Variants in EIPR1 observed in about 807,000 individuals in gnomAD.
EIPR1 encodes the protein EARP and GARP complex-interacting protein 1.
In EIPR1, 25 loss-of-function variants were observed where a neutral mutation model predicts 48.1. That is an observed-to-expected ratio of 0.52 (90% confidence interval 0.38 to 0.73). The LOEUF (loss-of-function observed/expected upper bound fraction) is 0.73, where lower values mean the gene tolerates loss of function less well. Among genes scored for constraint, EIPR1 ranks in the 30% least tolerant of loss-of-function variants. The pLI is 0.00. For synonymous variants in EIPR1, 204 were observed against 201.9 expected, an observed-to-expected ratio of 1.01 and a Z score of -0.09; for missense variants, 415 against 506.2, an observed-to-expected ratio of 0.82 and a Z score of 1.73.
intron 1 of EIPR1, among the ~76,000 whole-genome samples, chr2:3,355,067 G>C (rs1311517059): frequency 6.6e-6 from 1 of 152,108 alleles, no homozygotes; most frequent in Non-Finnish European, 1.5e-5. Flanking sequence ...AGAATAACCT[G>C]AATCTGTTTC....
intron 5 of EIPR1, among the ~76,000 whole-genome samples, chr2:3,213,425 A>T (rs1246016117): frequency 6.6e-6 from 1 of 152,230 alleles, no homozygotes; most frequent in African/African-American, 2.4e-5. Flanking sequence ...AGCAAAACTC[A>T]ACCCAAAGAA....
chr2:3,324,326 G>A (rs1039245245), intron 3 of EIPR1, among the ~76,000 whole-genome samples: 2 of 152,152 alleles, frequency 1.3e-5, no homozygotes, highest in Non-Finnish European at 2.9e-5. Flanking sequence ...AGCCCATGAT[G>A]AGCAGCACAC....
At chr2:3,353,830 T>G (rs1040007196) in intron 2 of EIPR1, among the ~76,000 whole-genome samples, 1 of 152,184 alleles carries the variant, frequency 6.6e-6, no homozygotes, top group Non-Finnish European at 1.5e-5. Context: ...CGACAGCTAT[T>G]TGAATGCCAT....
At chr2:3,222,603 A>G (rs527737238) in intron 4 of EIPR1, among the ~76,000 whole-genome samples, 2 of 152,360 alleles carry the variant, frequency 1.3e-5, no homozygotes, top group East Asian at 3.9e-4. Flanking sequence ...CACAGGGAAC[A>G]TTGTAAGGCT....
At position 3,269,574 on chromosome 2, in the gene EIPR1, GTCATCGCACTCAA is replaced by G. The variant is rs1265166525; in HGVS notation, c.260-12132_260-12120del. Among the ~76,000 whole-genome samples the G allele has an allele frequency of 7.8e-5, 6 of 76,760 alleles. 2 individuals are homozygous for G. Among genetic ancestry groups the G allele is most frequent in the African/African-American group, 1.2e-4 (2 of 17,386 alleles). 50.4% of individuals were successfully genotyped at this position (76,760 alleles called of 152,430 possible). On this transcript the variant is annotated intron_variant, in intron 3 of 8. Transcript: ENST00000382125. ...TCATCGCACTCAGTCATCGCACTCA[GTCATCGCACTCAA>G]TCATCGCACTCAATCGCACTCAATC...
intron 3 of EIPR1, among the ~76,000 whole-genome samples, chr2:3,330,931 T>TGCAC: frequency 9.9e-6 from 1 of 100,932 alleles, no homozygotes; most frequent in African/African-American, 6.2e-5. Flanking sequence ...CTGGCAAGTG[T>TGCAC]ACACTCGTGA....
At chr2:3,323,850 A>G (rs1669609719) in intron 3 of EIPR1, among the ~76,000 whole-genome samples, 1 of 152,256 alleles carries the variant, frequency 6.6e-6, no homozygotes, top group Non-Finnish European at 1.5e-5. Context: ...ATAAGGAGGC[A>G]GCACAGTGCG....
intron 3 of EIPR1, among the ~76,000 whole-genome samples, chr2:3,328,509 C>A (rs62119478): frequency 2.0e-5 from 2 of 99,342 alleles, no homozygotes; most frequent in Non-Finnish European, 4.8e-5. Context: ...GCCAGCCAGG[C>A]TCCCCTGAAT....
chr2:3,377,472 G>A (rs1659929785), intron 1 of EIPR1, 176 bp downstream of exon 1: 8 of 754,208 alleles, frequency 1.1e-5, no homozygotes, highest in Non-Finnish European at 1.7e-5. Context: ...CTGTTATCCA[G>A]TACAACCGTT....
intron 2 of EIPR1, among the ~76,000 whole-genome samples, chr2:3,343,666 T>G (rs996238563): frequency 3.3e-5 from 5 of 152,236 alleles, no homozygotes; most frequent in Non-Finnish European, 7.3e-5. Flanking sequence ...TAAAAATGTA[T>G]TAGGAAGTCC....
chr2:3,283,612 G>A (rs1331342378), intron 3 of EIPR1, among the ~76,000 whole-genome samples: 1 of 152,252 alleles, frequency 6.6e-6, no homozygotes. Context: ...AGGAGAGCCA[G>A]ATACCAGCGA....
chr2:3,375,284 G>A lies in EIPR1; in HGVS notation c.42+2364C>T, dbSNP rs561215549. ...TTAGGAGATATACCTAATGCTGAAT[G>A]ACGAGTTAATGGGTGCAGCACACCA... On this transcript the variant is annotated intron_variant, in intron 1 of 8. Transcript: ENST00000382125. Among the ~76,000 whole-genome samples the A allele has an allele frequency of 5.0e-4, 75 of 150,490 alleles. 1 individual carries two copies. Among genetic ancestry groups the A allele is most frequent in the Non-Finnish European group, 8.1e-4 (55 of 67,758 alleles).
Position 3,192,585 on chromosome 2 carries a change from C to T in EIPR1, c.822-4G>A, listed in dbSNP as rs753993767. 3 of 1,610,000 alleles carry T rather than the reference C, an allele frequency of 1.9e-6. No individual in the cohort carries two copies. The East Asian group carries it at 6.7e-5, about 36-fold the overall frequency. Reference sequence around the variant, plus strand: ...GTTGTAGCGGACGTTCCACACCCTGCAAAGGGCAAGGCAGCTGCTGAAATG... The same window carrying T: ...GTTGTAGCGGACGTTCCACACCCTGTAAAGGGCAAGGCAGCTGCTGAAATG... On this transcript the variant is annotated splice_polypyrimidine_tract_variant and splice_region_variant and intron_variant, in intron 7 of 8. Transcript: ENST00000382125.
At chr2:3,289,582 C>G (rs1196260989) in intron 3 of EIPR1, among the ~76,000 whole-genome samples, 1 of 152,148 alleles carries the variant, frequency 6.6e-6, no homozygotes, top group Non-Finnish European at 1.5e-5. Context: ...ATGCCCAGAG[C>G]CATCCGTGAT....
intron 3 of EIPR1, among the ~76,000 whole-genome samples, chr2:3,268,838 G>A (rs549641915): frequency 6.6e-6 from 1 of 152,162 alleles, no homozygotes; most frequent in Non-Finnish European, 1.5e-5. Flanking sequence ...ACCAACACGA[G>A]GCCGACTTTG....
intron 1 of EIPR1, among the ~76,000 whole-genome samples, chr2:3,364,266 G>A (rs1670920047): frequency 6.6e-6 from 1 of 152,154 alleles, no homozygotes; most frequent in Non-Finnish European, 1.5e-5. Flanking sequence ...CAACCTAAGT[G>A]CCCATCAACA....
intron 1 of EIPR1, 200 bp downstream of exon 1, chr2:3,377,448 G>T: frequency 1.8e-6 from 1 of 540,928 alleles, no homozygotes; most frequent in Non-Finnish European, 3.1e-6. Context: ...GAGGCAGGCC[G>T]GCTGTGGCCA....
chr2:3,189,935 C>G lies in EIPR1; in HGVS notation c.990-427G>C, dbSNP rs1403784274. 6.6e-6 allele frequency among the ~76,000 whole-genome samples: 1 copy of G among 152,050 alleles called. No homozygotes were observed. Among genetic ancestry groups the G allele is most frequent in the Admixed American group, 6.5e-5 (1 of 15,274 alleles). On this transcript the variant is annotated intron_variant, in intron 8 of 8. Coordinates refer to ENST00000382125, the MANE Select transcript of EIPR1 (RefSeq NM_003310.5). The surrounding 1 kb of genome is among the most constrained non-coding windows in gnomAD (Gnocchi z 4.6). ...CCCCTATTGCTTGAGCAGAAAGGACCCTGGGAAGCAGCGGGTCCAGCTCCT... is the reference window on the plus strand; with the variant it reads ...CCCCTATTGCTTGAGCAGAAAGGACGCTGGGAAGCAGCGGGTCCAGCTCCT...
chr2:3,355,832 A>AAAATAAAATAAAATG (rs1670710653), intron 1 of EIPR1, among the ~76,000 whole-genome samples: 1 of 152,030 alleles, frequency 6.6e-6, no homozygotes, highest in South Asian at 2.1e-4. Flanking sequence ...AAAATAAAAT[A>AAAATAAAATAAAATG]AAATAAAATG....
Sources: allele counts gnomAD v4.1 joint callset (sites outside exome capture counted in the v4.1 genomes callset), GRCh38; gene constraint gnomAD v4.1.1; non-coding constraint Gnocchi (gnomAD v3.1); transcripts MANE v1.5; gene names NCBI Gene and HGNC (gene_info 2026-07-23, HGNC 2026-07-21).